CNTN4: variants seen among roughly 807,000 people sequenced by gnomAD.
CNTN4 encodes contactin-4.
Under a neutral mutation model 122.5 loss-of-function variants are expected in CNTN4, and 77 were observed. The ratio of observed to expected loss-of-function variants is 0.63; its 90% CI spans 0.52 to 0.76. The LOEUF is 0.76. Among genes scored for constraint, CNTN4 ranks in the 30% least tolerant of loss-of-function variants. The probability of loss-of-function intolerance (pLI) is 0.00; values close to 1 mark genes in which losing one functional copy is unlikely to be tolerated. For missense variants in CNTN4, 1,256 were observed against 1,259.1 expected, an observed-to-expected ratio of 1.00 and a Z score of 0.04; for synonymous variants, 512 against 447.0, an observed-to-expected ratio of 1.15 and a Z score of -1.83.
chr3:2,271,430 C>T (rs1198164884), intron 2 of CNTN4, among the ~76,000 whole-genome samples: 1 of 152,064 alleles, frequency 6.6e-6, no homozygotes, highest in Non-Finnish European at 1.5e-5. Context: ...CCGTAGTAAC[C>T]TGCTGTATTA....
intron 12 of CNTN4, among the ~76,000 whole-genome samples, chr3:2,924,225 T>G (rs955227382): frequency 2.0e-5 from 3 of 152,218 alleles, no homozygotes; most frequent in African/African-American, 7.2e-5. Context: ...AATCAAGATT[T>G]GACTTGCTTC....
At chr3:3,034,307 T>A (rs1466413373) in intron 16 of CNTN4, among the ~76,000 whole-genome samples, 1 of 152,178 alleles carries the variant, frequency 6.6e-6, no homozygotes, top group Non-Finnish European at 1.5e-5. Context: ...AAATAAATAA[T>A]GAATTAATGA....
intron 3 of CNTN4, among the ~76,000 whole-genome samples, chr3:2,364,855 G>A (rs775126568): frequency 1.6e-4 from 25 of 152,082 alleles, no homozygotes; most frequent in Non-Finnish European, 2.1e-4. Context: ...ATCAAGTCTT[G>A]TCATTTCTTT....
chr3:2,479,175 A>T (rs1472484073), intron 3 of CNTN4, among the ~76,000 whole-genome samples: 2 of 152,186 alleles, frequency 1.3e-5, no homozygotes, highest in East Asian at 3.9e-4. Context: ...AAACCTATAT[A>T]GGTTTGCTTT....
intron 19 of CNTN4, 159 bp downstream of exon 19, chr3:3,039,162 G>C: frequency 1.5e-6 from 1 of 686,208 alleles, no homozygotes; most frequent in Non-Finnish European, 2.6e-6. Context: ...TGGCTAGCAG[G>C]AAGGACGGCA....
At chr3:2,329,171 A>T (rs944401716) in intron 2 of CNTN4, among the ~76,000 whole-genome samples, 1 of 152,230 alleles carries the variant, frequency 6.6e-6, no homozygotes, top group East Asian at 1.9e-4. Flanking sequence ...TGTTTACAAA[A>T]TAAAAATAAT....
chr3:2,832,508 TGAA>T (rs995211714), intron 7 of CNTN4, among the ~76,000 whole-genome samples: 1 of 152,062 alleles, frequency 6.6e-6, no homozygotes, highest in Non-Finnish European at 1.5e-5. Context: ...AAGGCTTCCT[TGAA>T]GAAGTAGTTC....
intron 2 of CNTN4, among the ~76,000 whole-genome samples, chr3:2,252,027 A>G (rs1362028425): frequency 6.6e-6 from 1 of 151,966 alleles, no homozygotes; most frequent in Non-Finnish European, 1.5e-5. Context: ...ATTCAAATCA[A>G]TAGCGTGTAT....
At chr3:2,676,186 A>G (rs1219023809) in intron 4 of CNTN4, among the ~76,000 whole-genome samples, 1 of 151,978 alleles carries the variant, frequency 6.6e-6, no homozygotes, top group Non-Finnish European at 1.5e-5. Context: ...CCAAACATCC[A>G]GTGAATACAG....
intron 10 of CNTN4, among the ~76,000 whole-genome samples, chr3:2,890,419 T>G (rs1337448951): frequency 5.3e-5 from 8 of 152,182 alleles, no homozygotes. Flanking sequence ...TCCATGAACA[T>G]TCTGTCTTTG....
chr3:2,557,459 G>A (rs1474019643), intron 3 of CNTN4, among the ~76,000 whole-genome samples: 1 of 152,084 alleles, frequency 6.6e-6, no homozygotes, highest in Non-Finnish European at 1.5e-5. Context: ...CAGGCATGGT[G>A]GCTCACGCCT....
At chr3:2,717,617 T>C (rs115583501) in intron 4 of CNTN4, among the ~76,000 whole-genome samples, 5,829 of 152,246 alleles carry the variant, frequency 0.038, 153 homozygotes, top group Non-Finnish European at 0.056. Context: ...TGAATCCTCC[T>C]AGTAAAACAT....
chr3:2,881,391 T>G (rs954904973), intron 8 of CNTN4, among the ~76,000 whole-genome samples: 2 of 152,070 alleles, frequency 1.3e-5, no homozygotes, highest in African/African-American at 4.8e-5. Context: ...CACGTGCCTG[T>G]AGTCCCAGCT....
intron 14 of CNTN4, among the ~76,000 whole-genome samples, chr3:2,994,594 CATAT>C (rs35069373): frequency 1.5e-4 from 22 of 144,642 alleles, no homozygotes; most frequent in South Asian, 6.5e-4. Context: ...CAGATTTTTT[CATAT>C]ATATATATAT....
At chr3:2,706,678 A>T (rs770548580) in intron 4 of CNTN4, among the ~76,000 whole-genome samples, 1 of 152,156 alleles carries the variant, frequency 6.6e-6, no homozygotes, top group Non-Finnish European at 1.5e-5. Context: ...TGCTTAATCT[A>T]TATGACTGGG....
At chr3:3,007,592 G>C (rs1696783776) in intron 14 of CNTN4, among the ~76,000 whole-genome samples, 2 of 152,178 alleles carry the variant, frequency 1.3e-5, no homozygotes, top group South Asian at 4.1e-4. Context: ...TTTTGAAACA[G>C]TATGCAGAAC....
intron 3 of CNTN4, among the ~76,000 whole-genome samples, chr3:2,499,570 C>T (rs2076542154): frequency 1.3e-5 from 2 of 152,026 alleles, no homozygotes; most frequent in South Asian, 4.1e-4. Context: ...TTTCTGGGTT[C>T]CCTACTTGTA....
At chr3:2,911,426 C>T (rs2094298543) in intron 12 of CNTN4, among the ~76,000 whole-genome samples, 1 of 152,168 alleles carries the variant, frequency 6.6e-6, no homozygotes, top group Non-Finnish European at 1.5e-5. Context: ...GAGAGATTTG[C>T]GGAATCTCTA....
intron 3 of CNTN4, among the ~76,000 whole-genome samples, chr3:2,509,320 C>T (rs954002280): frequency 2.0e-5 from 3 of 152,052 alleles, no homozygotes; most frequent in Non-Finnish European, 4.4e-5. Flanking sequence ...ACATGAAATT[C>T]GTGCCAGTCA....
Sources: allele counts gnomAD v4.1 joint callset (sites outside exome capture counted in the v4.1 genomes callset), GRCh38; gene constraint gnomAD v4.1.1; transcripts MANE v1.5; gene names NCBI Gene and HGNC (gene_info 2026-07-23, HGNC 2026-07-21).